Variants in CDH18 observed in about 807,000 individuals in gnomAD.
CDH18 encodes the protein cadherin-18.
A neutral mutation model predicts 67.9 loss-of-function variants in CDH18; 31 were observed. The observed-to-expected ratio is 0.46, with a 90% CI of 0.34 to 0.62. The LOEUF (loss-of-function observed/expected upper bound fraction) is 0.62, where lower values mean the gene tolerates loss of function less well. Among genes scored for constraint, CDH18 ranks in the 20% least tolerant of loss-of-function variants. The pLI, the probability that CDH18 is intolerant of heterozygous loss-of-function variation, is 0.01. For missense variants in CDH18, 890 were observed against 975.5 expected, an observed-to-expected ratio of 0.91 and a Z score of 1.17; for synonymous variants, 362 against 347.2, an observed-to-expected ratio of 1.04 and a Z score of -0.48.
At chr5:19,580,080 A>T (rs1423187097) in intron 7 of CDH18, among the ~76,000 whole-genome samples, 1 of 151,876 alleles carries the variant, frequency 6.6e-6, no homozygotes, top group Non-Finnish European at 1.5e-5. Context: ...GATAAAATGT[A>T]AACTATTGAC....
At chr5:20,305,322 C>G in intron 1 of CDH18, 1 of 1,573,174 alleles carries the variant, frequency 6.4e-7, no homozygotes, top group Non-Finnish European at 8.7e-7. Context: ...CATTTCTGCG[C>G]TTTGCTTTCT....
rs3039357 is a variant in CDH18 at position 20,534,829 on chromosome 5, GTATT to G, written c.-580+40629_-580+40632del. On this transcript the variant is annotated intron_variant, in intron 1 of 14. Coordinates refer to the CDH18 transcript ENST00000507958. ...CTCTGTTAGTTTATTCTAAATACAT[GTATT>G]TATTTATTTATTTATTTATTTATTT... Among the ~76,000 whole-genome samples the G allele has an allele frequency of 1.4e-3, 210 of 148,102 alleles. 1 individual carries two copies. The highest frequency in any genetic ancestry group is 3.2e-3 in the East Asian group (16 of 4,998).
At chr5:19,925,427 GATC>G (rs1391501981) in intron 2 of CDH18, among the ~76,000 whole-genome samples, 2 of 152,130 alleles carry the variant, frequency 1.3e-5, no homozygotes, top group African/African-American at 4.8e-5. Context: ...TTTTTACTGT[GATC>G]CGCAATTTAT....
rs182917643 is a variant in CDH18 at position 20,179,259 on chromosome 5, A to C, written c.-518+76185T>G. Among the ~76,000 whole-genome samples, 284 of 152,270 alleles carry C rather than the reference A, an allele frequency of 1.9e-3. 4 individuals are homozygous for C. Among genetic ancestry groups the C allele is most frequent in the Admixed American group, 0.017 (263 of 15,284 alleles). On this transcript the variant is annotated intron_variant, in intron 2 of 14. Transcript: ENST00000507958. ...GGTTCTAACAATAATTTTGCAAGAA[A>C]AATTTTATTACCTCACTTTAACATA...
intron 2 of CDH18, among the ~76,000 whole-genome samples, chr5:19,957,130 G>A (rs1411206483): frequency 1.3e-5 from 2 of 151,818 alleles, no homozygotes; most frequent in Non-Finnish European, 2.9e-5. Context: ...CCATAGAATT[G>A]AGCATCTCTA....
At chr5:19,683,545 C>A (rs1045826906) in intron 5 of CDH18, among the ~76,000 whole-genome samples, 1 of 151,908 alleles carries the variant, frequency 6.6e-6, no homozygotes, top group African/African-American at 2.4e-5. Flanking sequence ...TTTTAAAATT[C>A]CACTTTTCAA....
chr5:19,832,713 A>G (rs1000747004), intron 3 of CDH18, among the ~76,000 whole-genome samples: 4 of 152,158 alleles, frequency 2.6e-5, no homozygotes, highest in Admixed American at 2.6e-4. Flanking sequence ...TATAAGGTGT[A>G]AGGAAGGGGT....
At chr5:20,424,767 A>AG (rs1748156507) in intron 1 of CDH18, among the ~76,000 whole-genome samples, 1 of 148,674 alleles carries the variant, frequency 6.7e-6, no homozygotes, top group Non-Finnish European at 1.5e-5. Flanking sequence ...AAAAAAAAAA[A>AG]AAAAAGGAAG....
intron 1 of CDH18, among the ~76,000 whole-genome samples, chr5:20,299,043 T>C (rs888487991): frequency 6.6e-6 from 1 of 152,080 alleles, no homozygotes; most frequent in Non-Finnish European, 1.5e-5. Context: ...ATGTAAAGAA[T>C]TATGAATCAT....
chr5:20,359,980 C>T (rs1038984458), intron 1 of CDH18, among the ~76,000 whole-genome samples: 2 of 149,564 alleles, frequency 1.3e-5, no homozygotes, highest in Non-Finnish European at 3.0e-5. Flanking sequence ...TACATTATGC[C>T]ACTTTATCAG....
chr5:19,919,854 C>T (rs1252540942), intron 2 of CDH18, among the ~76,000 whole-genome samples: 1 of 152,006 alleles, frequency 6.6e-6, no homozygotes, highest in East Asian at 1.9e-4. Context: ...TAGGGTTTTT[C>T]ATATACAAAT....
intron 2 of CDH18, among the ~76,000 whole-genome samples, chr5:20,221,477 C>T (rs115405651): frequency 0.024 from 3,656 of 151,962 alleles, 136 homozygotes; most frequent in African/African-American, 0.083. Context: ...AAGTGTAGCG[C>T]GGGGTTGGGG....
chr5:20,053,974 T>C (rs1741681413), intron 2 of CDH18, among the ~76,000 whole-genome samples: 1 of 152,144 alleles, frequency 6.6e-6, no homozygotes, highest in African/African-American at 2.4e-5. Context: ...AACTCCTTTC[T>C]CTGTCCAATC....
At chr5:20,334,184 G>A (rs1397643735) in intron 1 of CDH18, among the ~76,000 whole-genome samples, 1 of 136,746 alleles carries the variant, frequency 7.3e-6, no homozygotes, top group African/African-American at 2.9e-5. Flanking sequence ...CCAGGCTGGA[G>A]TGCAGTGGCG....
intron 2 of CDH18, among the ~76,000 whole-genome samples, chr5:19,960,470 A>T (rs1292478234): frequency 6.6e-6 from 1 of 151,246 alleles, no homozygotes; most frequent in Non-Finnish European, 1.5e-5. Context: ...ACACACATAG[A>T]ACTGTCATCT....
intron 8 of CDH18, among the ~76,000 whole-genome samples, chr5:19,564,133 T>C (rs1270569072): frequency 2.0e-5 from 3 of 152,124 alleles, no homozygotes; most frequent in Non-Finnish European, 4.4e-5. Flanking sequence ...CTTAATGAAC[T>C]TGAAAGGCAG....
At chr5:20,487,389 T>C (rs926044594) in intron 1 of CDH18, among the ~76,000 whole-genome samples, 6 of 149,096 alleles carry the variant, frequency 4.0e-5, no homozygotes, top group Non-Finnish European at 7.4e-5. Context: ...TGTATAAACC[T>C]ATATATATAT....
At chr5:19,537,680 A>G (rs1257863280) in intron 9 of CDH18, among the ~76,000 whole-genome samples, 2 of 151,958 alleles carry the variant, frequency 1.3e-5, no homozygotes, top group Non-Finnish European at 2.9e-5. Flanking sequence ...CCCCTAAAAA[A>G]TCTCTCTTAT....
chr5:19,508,992 G>A (rs1744688870), intron 10 of CDH18, among the ~76,000 whole-genome samples: 1 of 151,424 alleles, frequency 6.6e-6, no homozygotes, highest in Admixed American at 6.6e-5. Flanking sequence ...TCGTGTCTCA[G>A]CCACCGAGTA....
Sources: gnomAD v4.1 joint callset for allele counts (sites outside exome capture counted in the v4.1 genomes callset) on GRCh38, gnomAD v4.1.1 for gene constraint, MANE v1.5 for transcripts, NCBI Gene and HGNC (gene_info 2026-07-23, HGNC 2026-07-21) for gene names.